EPS8: variants seen among roughly 807,000 people sequenced by gnomAD.
EPS8 encodes the protein EGFR pathway substrate 8, signaling adaptor.
Under a neutral mutation model 103.8 loss-of-function variants are expected in EPS8, and 42 were observed. The ratio of observed to expected loss-of-function variants is 0.40; its 90% confidence interval spans 0.32 to 0.52. The LOEUF (loss-of-function observed/expected upper bound fraction) is 0.52. Ranked by LOEUF, EPS8 falls within the 20% of genes least tolerant of loss-of-function variation. The pLI, the probability that EPS8 is intolerant of heterozygous loss-of-function variation, is 0.40. For missense variants in EPS8, 969 were observed against 1,005.1 expected, an observed-to-expected ratio of 0.96 and a Z score of 0.49; for synonymous variants, 344 against 344.6, an observed-to-expected ratio of 1.00 and a Z score of 0.02.
chr12:15,784,705 C>T lies in EPS8; in HGVS notation c.-22+4456G>A, dbSNP rs1363821227. ...TGCATGTGAATATTCATAGCAGCTT[C>T]GTTCATACTTGCCAAAAACTGGAAG... On this transcript the variant is annotated intron_variant, in intron 1 of 20. Transcript: ENST00000281172. This position sits in a 1 kb window ranked among gnomAD's most constrained non-coding sequence, Gnocchi z 4.0. Among the ~76,000 whole-genome samples the T allele has an allele frequency of 2.6e-5, 4 of 152,206 alleles. No individual in the cohort carries two copies. The highest frequency in any genetic ancestry group is 2.9e-5 in the Non-Finnish European group (2 of 67,954).
rs984668487 is a variant in EPS8, at chr12:15,698,609, C to T, written c.-21-15637G>A. 2.6e-5 allele frequency among the ~76,000 whole-genome samples: 4 copies of T among 151,824 alleles called. No individual in the cohort carries two copies. The highest frequency in any genetic ancestry group is 4.8e-5 in the African/African-American group (2 of 41,314). Reference sequence around the variant, plus strand: ...AAGAAGCCCCAGGAATAGCACGTACCGGCACATAGTAGCACATTCAAACTA... The same window carrying T: ...AAGAAGCCCCAGGAATAGCACGTACTGGCACATAGTAGCACATTCAAACTA... On this transcript the variant is annotated intron_variant, in intron 1 of 20. Coordinates refer to ENST00000281172, the MANE Select transcript of EPS8 (RefSeq NM_004447.6). This position sits in a 1 kb window ranked among gnomAD's most constrained non-coding sequence, Gnocchi z 4.9.
chr12:15,782,660 A>C (rs182627513), intron 1 of EPS8, among the ~76,000 whole-genome samples: 2 of 152,330 alleles, frequency 1.3e-5, no homozygotes, highest in East Asian at 3.9e-4. Context: ...CATAAAATTT[A>C]TTAGAAAAAA....
At chr12:15,657,362 C>T (rs1945525616) in intron 12 of EPS8, among the ~76,000 whole-genome samples, 1 of 152,204 alleles carries the variant, frequency 6.6e-6, no homozygotes, top group African/African-American at 2.4e-5. Flanking sequence ...CACTCCGTTT[C>T]CCACACACAT....
At chr12:15,668,953 G>T (rs902031158) in intron 6 of EPS8, among the ~76,000 whole-genome samples, 1 of 152,124 alleles carries the variant, frequency 6.6e-6, no homozygotes, top group African/African-American at 2.4e-5. Context: ...GTGCAGAGGG[G>T]TGATTATAGC....
chr12:15,755,923 C>G (rs189518367), intron 1 of EPS8, among the ~76,000 whole-genome samples: 28 of 152,292 alleles, frequency 1.8e-4, no homozygotes, highest in Admixed American at 1.8e-3. Flanking sequence ...CAGAATTGTA[C>G]ACTTTCCAGA....
In EPS8 at chr12:15,772,851, A is replaced by C. The variant is rs924725547; in HGVS notation, c.-22+16310T>G. On this transcript the variant is annotated intron_variant, in intron 1 of 20. Transcript: ENST00000281172. The surrounding 1 kb of genome is among the most constrained non-coding windows in gnomAD (Gnocchi z 5.0). ...TAGACGGGTCTACAAAGTACCAGAA[A>C]CCCTAAATGGTAAAAATTCATAGTG... is the stretch of plus-strand genomic sequence containing the variant. 3.9e-5 allele frequency among the ~76,000 whole-genome samples: 6 copies of C among 152,202 alleles called. No homozygotes were observed. Among genetic ancestry groups the C allele is most frequent in the African/African-American group, 1.4e-4 (6 of 41,454 alleles).
rs1439417328 is a variant in EPS8, at chr12:15,735,206, A to G, written c.-21-52234T>C. Reference sequence around the variant, plus strand: ...AATAAGCTCCAATTCTTACGTTTCTACTTTAGTCCAATGAAGGCTAAGTTA... The same window carrying G: ...AATAAGCTCCAATTCTTACGTTTCTGCTTTAGTCCAATGAAGGCTAAGTTA... On this transcript the variant is annotated intron_variant, in intron 1 of 20. Transcript: ENST00000281172. This position sits in a 1 kb window ranked among gnomAD's most constrained non-coding sequence, Gnocchi z 4.4. Among the ~76,000 whole-genome samples the G allele has an allele frequency of 6.6e-6, 1 of 152,238 alleles. No homozygotes were observed. Among genetic ancestry groups the G allele is most frequent in the African/African-American group, 2.4e-5 (1 of 41,474 alleles).
chr12:15,712,994 ACTGTACCAAACAAAATTT>A (rs1465511312), intron 1 of EPS8: 65 of 985,314 alleles, frequency 6.6e-5, no homozygotes, highest in Non-Finnish European at 7.3e-5. Flanking sequence ...TCGGCATTGT[ACTGTACCAAACAAAATTT>A]CTGATTTGGT....
intron 3 of EPS8, among the ~76,000 whole-genome samples, chr12:15,680,879 G>T (rs930866265): frequency 6.6e-6 from 1 of 151,926 alleles, no homozygotes. Context: ...TCAGGAAAAC[G>T]TTCTGTCACC....
chr12:15,704,940 A>C lies in EPS8; in HGVS notation c.-21-21968T>G, dbSNP rs1488616488. 6.6e-6 allele frequency among the ~76,000 whole-genome samples: 1 copy of C among 152,106 alleles called. No homozygotes were observed. The highest frequency in any genetic ancestry group is 2.4e-5 in the African/African-American group (1 of 41,412). ...CACACACACAAAAAACTGTCCTTAAAATCCTGTGTGTATATACACACACAC... is the reference window on the plus strand; with the variant it reads ...CACACACACAAAAAACTGTCCTTAACATCCTGTGTGTATATACACACACAC... On this transcript the variant is annotated intron_variant, in intron 1 of 20. Coordinates refer to ENST00000281172, the MANE Select transcript of EPS8 (RefSeq NM_004447.6). The surrounding 1 kb of genome is among the most constrained non-coding windows in gnomAD (Gnocchi z 4.6).
chr12:15,712,647 C>T (rs1007879380), intron 1 of EPS8, among the ~76,000 whole-genome samples: 3 of 152,132 alleles, frequency 2.0e-5, no homozygotes, highest in African/African-American at 7.2e-5. Flanking sequence ...GGAGGCAAGA[C>T]CCTGAGGAGA....
intron 3 of EPS8, among the ~76,000 whole-genome samples, chr12:15,673,483 C>A (rs1181806821): frequency 6.6e-6 from 1 of 152,044 alleles, no homozygotes; most frequent in South Asian, 2.1e-4. Flanking sequence ...AGTAATTAGG[C>A]TCCTAAGCTA....
intron 1 of EPS8, chr12:15,712,884 A>G (rs1033845844): frequency 3.8e-5 from 37 of 985,202 alleles, no homozygotes; most frequent in Non-Finnish European, 1.2e-5. Flanking sequence ...CCTCTAAGCA[A>G]TCGTCCAGGC....
Position 15,698,871 on chromosome 12 carries a change from A to G in EPS8, c.-21-15899T>C, listed in dbSNP as rs1023170472. 5.3e-5 allele frequency among the ~76,000 whole-genome samples: 8 copies of G among 152,232 alleles called. No homozygotes were observed. Among genetic ancestry groups the G allele is most frequent in the African/African-American group, 1.9e-4 (8 of 41,464 alleles). On this transcript the variant is annotated intron_variant, in intron 1 of 20. Transcript: ENST00000281172. The surrounding 1 kb of genome is among the most constrained non-coding windows in gnomAD (Gnocchi z 4.9). ...CATTATGAAGGAAATAGAATAAAAC[A>G]ATGTAGCATATTCTTGTAATTGTTG...
chr12:15,715,780 T>C (rs1449480495), intron 1 of EPS8, among the ~76,000 whole-genome samples: 1 of 151,984 alleles, frequency 6.6e-6, no homozygotes, highest in African/African-American at 2.4e-5. Context: ...TGAGCCACCA[T>C]GCCTGGCCCC....
In EPS8 at chr12:15,776,337, A is replaced by G. The variant is rs1427289153; in HGVS notation, c.-22+12824T>C. 6.6e-6 allele frequency among the ~76,000 whole-genome samples: 1 copy of G among 152,194 alleles called. No individual in the cohort carries two copies. The highest frequency in any genetic ancestry group is 1.5e-5 in the Non-Finnish European group (1 of 68,040). On this transcript the variant is annotated intron_variant, in intron 1 of 20. Transcript: ENST00000281172. The surrounding 1 kb of genome is among the most constrained non-coding windows in gnomAD (Gnocchi z 4.2). The stretch of plus-strand genomic sequence containing the variant: ...CCTTAAAAGTTAAGCCATGTTCTCA[A>G]GTCAGCCCCTGCAAAGGAGCAATCC...
At position 15,716,404 on chromosome 12, in the gene EPS8, A is replaced by T. The variant is rs1040867912; in HGVS notation, c.-21-33432T>A. 2.0e-5 allele frequency among the ~76,000 whole-genome samples: 3 copies of T among 152,138 alleles called. No individual in the cohort carries two copies. The highest frequency in any genetic ancestry group is 2.9e-5 in the Non-Finnish European group (2 of 68,032). On this transcript the variant is annotated intron_variant, in intron 1 of 20. Transcript: ENST00000281172. This position sits in a 1 kb window ranked among gnomAD's most constrained non-coding sequence, Gnocchi z 5.0. ...TATGACAAATCATTGTCCAAATATTAAAAAAATGGCATGGACTGAAACCAT... is the reference window on the plus strand; with the variant it reads ...TATGACAAATCATTGTCCAAATATTTAAAAAATGGCATGGACTGAAACCAT...
At chr12:15,756,749 A>T (rs1946990042) in intron 1 of EPS8, among the ~76,000 whole-genome samples, 1 of 152,220 alleles carries the variant, frequency 6.6e-6, no homozygotes, top group Non-Finnish European at 1.5e-5. Context: ...AATTTGGAAC[A>T]TGACAGATCT....
intron 4 of EPS8, 59 bp downstream of exon 4, chr12:15,670,797 C>T: frequency 8.6e-7 from 1 of 1,163,540 alleles, no homozygotes; most frequent in Non-Finnish European, 1.2e-6. Flanking sequence ...GATTTAACTT[C>T]CAATTTTTAT....
Sources: allele counts gnomAD v4.1 joint callset (sites outside exome capture counted in the v4.1 genomes callset), GRCh38; gene constraint gnomAD v4.1.1; non-coding constraint Gnocchi (gnomAD v3.1); transcripts MANE v1.5; gene names NCBI Gene and HGNC (gene_info 2026-07-23, HGNC 2026-07-21).